Variants in RBFOX1 observed in about 807,000 individuals in gnomAD.
RBFOX1 encodes RNA binding fox-1 homolog 1.
RBFOX1 carries 8 observed loss-of-function variants against 57.7 expected under a neutral mutation model. The observed-to-expected ratio is 0.14, with a 90% CI of 0.08 to 0.25. The LOEUF (loss-of-function observed/expected upper bound fraction) is 0.25. Ranked by LOEUF, RBFOX1 falls within the 10% of genes least tolerant of loss-of-function variation. The probability of loss-of-function intolerance (pLI) is 1.00; values close to 1 mark genes in which losing one functional copy is unlikely to be tolerated. For synonymous variants in RBFOX1, 326 were observed against 222.4 expected (o/e 1.47, Z -4.15); for missense variants, 611 against 548.5 (o/e 1.11, Z -1.14).
chr16:6,047,722 G>C (rs967294933), intron 1 of RBFOX1, among the ~76,000 whole-genome samples: 3 of 152,148 alleles, frequency 2.0e-5, no homozygotes, highest in Non-Finnish European at 2.9e-5. Flanking sequence ...CAGTGCCATA[G>C]CCACTCTTCC....
At chr16:7,461,845 A>C (rs1344997246) in intron 4 of RBFOX1, among the ~76,000 whole-genome samples, 1 of 152,134 alleles carries the variant, frequency 6.6e-6, no homozygotes, top group African/African-American at 2.4e-5. Context: ...GTGAGGGGGC[A>C]CAGGCATTTT....
chr16:7,224,273 G>A lies in RBFOX1; in HGVS notation c.27+172175G>A, dbSNP rs140315028. On this transcript the variant is annotated intron_variant, in intron 4 of 15. Transcript: ENST00000550418. ...CTTTTAGTCATCGTACAAGCCAGCA[G>A]TTATGGACAGTGTTTCTCTAAATGT... Among the ~76,000 whole-genome samples the A allele has an allele frequency of 3.1e-3, 477 of 151,970 alleles. 8 individuals carry two copies. The highest frequency in any genetic ancestry group is 0.011 in the African/African-American group (450 of 41,436).
chr16:5,472,838 C>T (rs1275691545), intron 2 of RBFOX1, among the ~76,000 whole-genome samples: 1 of 152,176 alleles, frequency 6.6e-6, no homozygotes, highest in East Asian at 1.9e-4. Context: ...CGCCTGTCTG[C>T]ATAGGTAACT....
At chr16:5,738,365 C>A (rs970575257) in intron 3 of RBFOX1, among the ~76,000 whole-genome samples, 1 of 151,782 alleles carries the variant, frequency 6.6e-6, no homozygotes, top group African/African-American at 2.4e-5. Context: ...GGTGCGGTGG[C>A]TCATGCTTGT....
At chr16:6,074,436 T>C (rs1194439935) in intron 1 of RBFOX1, among the ~76,000 whole-genome samples, 1 of 152,212 alleles carries the variant, frequency 6.6e-6, no homozygotes. Context: ...CCTGAACCAA[T>C]CATGATAAAA....
chr16:6,610,131 C>T (rs2098022175), intron 2 of RBFOX1, among the ~76,000 whole-genome samples: 1 of 152,124 alleles, frequency 6.6e-6, no homozygotes, highest in Non-Finnish European at 1.5e-5. Flanking sequence ...AAGTGTGTTT[C>T]ATGGACCTCA....
chr16:7,219,830 G>A (rs1444247737), intron 4 of RBFOX1, among the ~76,000 whole-genome samples: 3 of 152,118 alleles, frequency 2.0e-5, no homozygotes, highest in Non-Finnish European at 4.4e-5. Flanking sequence ...TTCCACCAAA[G>A]GATTTCCCAT....
intron 3 of RBFOX1, among the ~76,000 whole-genome samples, chr16:6,788,565 T>C (rs1317112616): frequency 1.3e-5 from 2 of 151,958 alleles, no homozygotes; most frequent in Non-Finnish European, 2.9e-5. Context: ...AAGCTCTGCC[T>C]TCTGGGTTCA....
At chr16:7,497,377 C>G (rs1225285034) in intron 4 of RBFOX1, among the ~76,000 whole-genome samples, 3 of 152,134 alleles carry the variant, frequency 2.0e-5, no homozygotes, top group Non-Finnish European at 4.4e-5. Flanking sequence ...CAAGATTCCT[C>G]TCAACTGCTA....
At chr16:7,275,551 AT>A (rs2095424253) in intron 4 of RBFOX1, among the ~76,000 whole-genome samples, 1 of 152,228 alleles carries the variant, frequency 6.6e-6, no homozygotes, top group Non-Finnish European at 1.5e-5. Flanking sequence ...CTTGCTGCTA[AT>A]TGCTGGACTT....
chr16:6,031,240 G>A (rs138526512), intron 1 of RBFOX1, among the ~76,000 whole-genome samples: 437 of 152,246 alleles, frequency 2.9e-3, no homozygotes, highest in Admixed American at 4.4e-3. Flanking sequence ...AGCAGAGGTG[G>A]CAGTGTGTTC....
rs1342514348 is a variant in RBFOX1 at position 6,317,135 on chromosome 16, T to G, written c.-64+78T>G. The G allele has an allele frequency of 5.1e-6, 7 of 1,364,036 alleles. No homozygotes were observed. In the East Asian group the frequency reaches 1.8e-4, roughly 34 times the overall value. 84.5% of individuals were successfully genotyped at this position (1,364,036 alleles called of 1,614,324 possible). On this transcript the variant is annotated intron_variant, in intron 2 of 15. Transcript: ENST00000550418. ...ATCCTGTTCTCTCTGAAAAGCTCTT[T>G]TCTGCAGGTTTGAAGTTGTTACAAA...
intron 4 of RBFOX1, among the ~76,000 whole-genome samples, chr16:7,162,183 G>C (rs540251578): frequency 6.6e-6 from 1 of 152,266 alleles, no homozygotes; most frequent in South Asian, 2.1e-4. Flanking sequence ...AATAATGGCA[G>C]AATGATGTCT....
intron 3 of RBFOX1, among the ~76,000 whole-genome samples, chr16:6,726,538 C>T (rs1490967610): frequency 6.6e-6 from 1 of 151,994 alleles, no homozygotes; most frequent in Non-Finnish European, 1.5e-5. Context: ...TGGACATGTT[C>T]AGGTTCTTGT....
intron 2 of RBFOX1, among the ~76,000 whole-genome samples, chr16:5,546,488 C>T (rs1169142880): frequency 6.6e-6 from 1 of 152,128 alleles, no homozygotes; most frequent in East Asian, 1.9e-4. Flanking sequence ...GTCGATGTAA[C>T]AGTAAAGAGA....
At chr16:6,677,851 T>C (rs2058007766) in intron 3 of RBFOX1, among the ~76,000 whole-genome samples, 1 of 152,162 alleles carries the variant, frequency 6.6e-6, no homozygotes, top group African/African-American at 2.4e-5. Flanking sequence ...CCCCATAAAA[T>C]TAAAAGGCCT....
intron 2 of RBFOX1, among the ~76,000 whole-genome samples, chr16:6,584,144 A>T (rs1293004291): frequency 6.6e-6 from 1 of 151,828 alleles, no homozygotes; most frequent in Non-Finnish European, 1.5e-5. Flanking sequence ...CTGTGTTCCT[A>T]TTGTGTGGTA....
chr16:6,418,427 G>C (rs887547803), intron 2 of RBFOX1, among the ~76,000 whole-genome samples: 3 of 152,028 alleles, frequency 2.0e-5, no homozygotes, highest in African/African-American at 4.8e-5. Flanking sequence ...ATAAAGTAGG[G>C]TGAGAAATGG....
chr16:7,328,147 G>C (rs2096636316), intron 4 of RBFOX1, among the ~76,000 whole-genome samples: 1 of 152,114 alleles, frequency 6.6e-6, no homozygotes, highest in African/African-American at 2.4e-5. Flanking sequence ...GGAGACTCAG[G>C]TGTGCACCAC....
Sources: gnomAD v4.1 joint callset for allele counts (sites outside exome capture counted in the v4.1 genomes callset) on GRCh38, gnomAD v4.1.1 for gene constraint, MANE v1.5 for transcripts, NCBI Gene and HGNC (gene_info 2026-07-23, HGNC 2026-07-21) for gene names.